Variants in TRPC4 observed in about 807,000 individuals in gnomAD.
TRPC4 encodes the protein transient receptor potential cation channel subfamily C member 4, also known as short transient receptor potential channel 4.
In TRPC4, 49 loss-of-function variants were observed where a neutral mutation model predicts 99.4. The ratio of observed to expected loss-of-function variants is 0.49; its 90% confidence interval spans 0.39 to 0.63. The LOEUF is 0.63. TRPC4 is among the 20% of genes least tolerant of loss of function. The pLI, the probability that TRPC4 is intolerant of heterozygous loss-of-function variation, is 0.00. For synonymous variants in TRPC4, 454 were observed against 425.9 expected, an observed-to-expected ratio of 1.07 and a Z score of -0.81; for missense variants, 898 against 1,152.9, an observed-to-expected ratio of 0.78 and a Z score of 3.20.
chr13:37,636,790 T>C lies in TRPC4; in HGVS notation c.*113A>G. Reference sequence around the variant, plus strand: ...GTTACAGGTAATATGCCACAGCTGATAAACGCTATAAAGTGTAAGTTAGCA... The same window carrying C: ...GTTACAGGTAATATGCCACAGCTGACAAACGCTATAAAGTGTAAGTTAGCA... On this transcript the variant is annotated 3_prime_UTR_variant, in exon 11 of 11. Transcript: ENST00000379705. The C allele has an allele frequency of 7.1e-7, 1 of 1,417,168 alleles. No individual in the cohort carries two copies. Among genetic ancestry groups the C allele is most frequent in the East Asian group, 2.3e-5 (1 of 42,866 alleles). The allele number at this position is 1,417,168 out of a possible 1,614,324, so 87.8% of individuals were successfully genotyped here.
At chr13:37,782,836 A>G in intron 2 of TRPC4, 120 bp downstream of exon 2, 1 of 996,206 alleles carries the variant, frequency 1.0e-6, no homozygotes, top group Non-Finnish European at 1.4e-6. Flanking sequence ...CAGATTTTGA[A>G]GCTTATATTT....
chr13:37,702,890 A>C (rs1362481831), intron 3 of TRPC4, among the ~76,000 whole-genome samples: 1 of 152,182 alleles, frequency 6.6e-6, no homozygotes, highest in Non-Finnish European at 1.5e-5. Context: ...ATAAAACATT[A>C]CATTGCTTAG....
In TRPC4 at chr13:37,692,343, G is replaced by GAAGGGA. The variant is rs1277965720; in HGVS notation, c.898-14_898-9dup. ...ATTGGGCTGGGCAACAAACTAAACA[G>GAAGGGA]AAGGGAAAGGAAAAGGAAAAATAAG... On this transcript the variant is annotated splice_polypyrimidine_tract_variant and intron_variant, in intron 3 of 10. Transcript: ENST00000379705. The GAAGGGA allele has an allele frequency of 5.6e-6, 9 of 1,603,090 alleles. No homozygotes were observed. Among genetic ancestry groups the GAAGGGA allele is most frequent in the Non-Finnish European group, 7.7e-6 (9 of 1,173,468 alleles).
chr13:37,750,032 G>A (rs1326789284), intron 2 of TRPC4, among the ~76,000 whole-genome samples: 1 of 151,966 alleles, frequency 6.6e-6, no homozygotes, highest in Non-Finnish European at 1.5e-5. Context: ...AGATTTAATG[G>A]TTATCAGTAT....
chr13:37,639,468 G>A (rs1202226627), intron 8 of TRPC4, among the ~76,000 whole-genome samples, 169 bp from the exon 9 acceptor site: 1 of 152,080 alleles, frequency 6.6e-6, no homozygotes, highest in Non-Finnish European at 1.5e-5. Context: ...AAAAGAATGA[G>A]TGAACAAGAG....
In TRPC4 at chr13:37,633,377, A is replaced by C. The variant is rs889219260; in HGVS notation, c.*3526T>G. 3.3e-5 allele frequency among the ~76,000 whole-genome samples: 5 copies of C among 152,160 alleles called. No individual in the cohort carries two copies. The highest frequency in any genetic ancestry group is 5.9e-5 in the Non-Finnish European group (4 of 68,022). On this transcript the variant is annotated 3_prime_UTR_variant, in exon 11 of 11. Transcript: ENST00000379705. ...GGAAGGCAGCTGTATACACCATAGA[A>C]GACAGCTAAAAATACAATGCATGAG...
intron 2 of TRPC4, among the ~76,000 whole-genome samples, chr13:37,770,129 A>T (rs999744960): frequency 6.6e-5 from 10 of 151,510 alleles, no homozygotes; most frequent in Non-Finnish European, 1.5e-4. Context: ...CTGTTTCATA[A>T]AGTCTTTATG....
intron 1 of TRPC4, among the ~76,000 whole-genome samples, chr13:37,802,909 C>T (rs1436749257): frequency 1.3e-5 from 2 of 151,916 alleles, no homozygotes; most frequent in Admixed American, 1.3e-4. Flanking sequence ...TTCTATTTCC[C>T]TCATTCCTTC....
intron 1 of TRPC4, among the ~76,000 whole-genome samples, chr13:37,809,853 C>A (rs1181756904): frequency 1.3e-5 from 2 of 152,046 alleles, no homozygotes; most frequent in East Asian, 3.9e-4. Flanking sequence ...AAGGTTCACC[C>A]TGGTATATCA....
chr13:37,736,387 G>A (rs186089729), intron 3 of TRPC4, among the ~76,000 whole-genome samples: 1 of 152,132 alleles, frequency 6.6e-6, no homozygotes, highest in Non-Finnish European at 1.5e-5. Flanking sequence ...CAGGAATTCT[G>A]CCTTATATCT....
At chr13:37,824,345 T>C (rs1489634914) in intron 1 of TRPC4, among the ~76,000 whole-genome samples, 8 of 147,788 alleles carry the variant, frequency 5.4e-5, no homozygotes, top group African/African-American at 2.0e-4. Context: ...ATCCCTGTCT[T>C]GTGCCAGTTT....
chr13:37,669,014 C>T (rs1952748271), intron 5 of TRPC4, among the ~76,000 whole-genome samples: 1 of 152,000 alleles, frequency 6.6e-6, no homozygotes, highest in Non-Finnish European at 1.5e-5. Flanking sequence ...GGGGAGCAGA[C>T]TAAAGTTACA....
At chr13:37,658,452 C>T (rs959964242) in intron 6 of TRPC4, among the ~76,000 whole-genome samples, 1 of 152,072 alleles carries the variant, frequency 6.6e-6, no homozygotes, top group Non-Finnish European at 1.5e-5. Flanking sequence ...TTGAAATTTT[C>T]CTCTATCCCA....
At chr13:37,747,652 T>C (rs1955823618) in intron 2 of TRPC4, among the ~76,000 whole-genome samples, 1 of 152,156 alleles carries the variant, frequency 6.6e-6, no homozygotes, top group Non-Finnish European at 1.5e-5. Flanking sequence ...TAAATATAGG[T>C]ACATTTTTAT....
intron 4 of TRPC4, 144 bp downstream of exon 4, chr13:37,691,855 T>G: frequency 2.6e-6 from 2 of 757,282 alleles, no homozygotes; most frequent in Non-Finnish European, 4.0e-6. Context: ...TTGTTTGGCT[T>G]TGGGGGTGAG....
chr13:37,813,535 A>G (rs1957760708), intron 1 of TRPC4, among the ~76,000 whole-genome samples: 1 of 151,836 alleles, frequency 6.6e-6, no homozygotes, highest in African/African-American at 2.4e-5. Context: ...TATGAAAATT[A>G]AGACTTAAAC....
chr13:37,853,013 G>A (rs573149990), intron 1 of TRPC4, among the ~76,000 whole-genome samples: 10 of 152,214 alleles, frequency 6.6e-5, no homozygotes, highest in African/African-American at 1.9e-4. Context: ...AACCATCTCT[G>A]GAGTCACCGA....
chr13:37,742,440 G>T (rs1955619977), intron 3 of TRPC4, among the ~76,000 whole-genome samples: 1 of 152,254 alleles, frequency 6.6e-6, no homozygotes, highest in East Asian at 1.9e-4. Flanking sequence ...TATGTCAGGG[G>T]CTACAGTATG....
chr13:37,658,102 A>G (rs568155989), intron 6 of TRPC4, among the ~76,000 whole-genome samples: 7 of 152,320 alleles, frequency 4.6e-5, no homozygotes, highest in African/African-American at 1.4e-4. Flanking sequence ...ATTGAGACCA[A>G]CATTGCCCAT....
Sources: gnomAD v4.1 joint callset for allele counts (sites outside exome capture counted in the v4.1 genomes callset) on GRCh38, gnomAD v4.1.1 for gene constraint, MANE v1.5 for transcripts, NCBI Gene and HGNC (gene_info 2026-07-23, HGNC 2026-07-21) for gene names.